The following TCF4 variants were observed in gnomAD, a reference collection of about 807,000 sequenced individuals.
TCF4 encodes the protein SL3-3 enhancer factor 2.
TCF4 carries 3 observed loss-of-function variants against 82.1 expected under a neutral mutation model. The observed-to-expected ratio is 0.04, with a 90% CI of 0.02 to 0.09. TCF4 has a LOEUF of 0.09. Ranked by LOEUF, TCF4 falls within the 10% of genes least tolerant of loss-of-function variation. The probability of loss-of-function intolerance (pLI) is 1.00; values close to 1 mark genes in which losing one functional copy is unlikely to be tolerated. For synonymous variants in TCF4, 276 were observed against 309.6 expected (o/e 0.89, Z 1.14); for missense variants, 518 against 852.7 (o/e 0.61, Z 4.89).
Position 55,275,679 on chromosome 18 carries a change from G to A in TCF4, c.729C>T (p.Gly243=). The A allele has an allele frequency of 2.5e-6, 4 of 1,613,904 alleles. No homozygotes were observed. Among genetic ancestry groups the A allele is most frequent in the Non-Finnish European group, 3.4e-6 (4 of 1,179,824 alleles). The change falls in exon 10 of 20, where the codon GGC becomes GGT. Residue 243 remains glycine, a synonymous_variant. Coordinates refer to ENST00000354452, the MANE Select transcript of TCF4 (RefSeq NM_001083962.2). ...TGGACTGTGGAATATGAGAAGAGTT[G>A]CCCAACATTCCTGCATAGCCAGGCT... ...MNQPGYAGML[G]NSSHIPQSSS...
chr18:55,262,709 G>A lies in TCF4; in HGVS notation c.923-1176C>T, dbSNP rs540342352. On this transcript the variant is annotated intron_variant, in intron 11 of 19. Coordinates refer to ENST00000354452, the MANE Select transcript of TCF4 (RefSeq NM_001083962.2). ...GGATCTTCAGTGGTCCAATTCTATGGCTTTTCCAGGTCATAATTTAATTCT... is the reference window on the plus strand; with the variant it reads ...GGATCTTCAGTGGTCCAATTCTATGACTTTTCCAGGTCATAATTTAATTCT... Among the ~76,000 whole-genome samples the A allele has an allele frequency of 1.2e-4, 18 of 152,198 alleles. No homozygotes were observed. In the South Asian group the frequency reaches 3.1e-3, roughly 26 times the overall value.
At chr18:55,596,843 T>C (rs1038381249) in intron 2 of TCF4, among the ~76,000 whole-genome samples, 8 of 152,142 alleles carry the variant, frequency 5.3e-5, no homozygotes, top group Non-Finnish European at 8.8e-5. Flanking sequence ...AAAAAAAGTT[T>C]ATAGCCACTG....
At chr18:55,333,460 C>A (rs540906008) in intron 8 of TCF4, among the ~76,000 whole-genome samples, 224 of 150,566 alleles carry the variant, frequency 1.5e-3, no homozygotes, top group African/African-American at 4.1e-3. Context: ...AAAAAAAAAA[C>A]AAAACAAAAC....
chr18:55,519,441 G>A (rs2060887), intron 3 of TCF4, among the ~76,000 whole-genome samples: 15,212 of 92,898 alleles, frequency 0.16, 1,047 homozygotes, highest in East Asian at 0.49. Context: ...CTCAAAAAAA[G>A]AAAAAAAAAA....
chr18:55,327,098 T>C (rs1457009632), intron 8 of TCF4, among the ~76,000 whole-genome samples: 1 of 152,156 alleles, frequency 6.6e-6, no homozygotes, highest in Non-Finnish European at 1.5e-5. Context: ...TATTCCCATA[T>C]TTCTTTGTAT....
intron 8 of TCF4, among the ~76,000 whole-genome samples, chr18:55,335,766 G>T (rs1179547137): frequency 6.6e-6 from 1 of 150,998 alleles, no homozygotes; most frequent in African/African-American, 2.4e-5. Context: ...ATGACACTTA[G>T]ATTAATAAAA....
At chr18:55,395,140 T>C (rs2093413654) in intron 6 of TCF4, among the ~76,000 whole-genome samples, 1 of 152,212 alleles carries the variant, frequency 6.6e-6, no homozygotes, top group African/African-American at 2.4e-5. Context: ...ATTGAAACAC[T>C]ATCCTGATGT....
chr18:55,333,118 A>T (rs2077918129), intron 8 of TCF4, among the ~76,000 whole-genome samples: 1 of 152,224 alleles, frequency 6.6e-6, no homozygotes. Context: ...ATAAGTTATC[A>T]TTCTGGATGT....
intron 3 of TCF4, among the ~76,000 whole-genome samples, chr18:55,573,444 T>C (rs2097496137): frequency 6.6e-6 from 1 of 152,210 alleles, no homozygotes; most frequent in Non-Finnish European, 1.5e-5. Context: ...CCTAAACTTC[T>C]GCAAAAACTT....
intron 8 of TCF4, among the ~76,000 whole-genome samples, chr18:55,343,127 G>A (rs376177223): frequency 2.0e-5 from 3 of 151,992 alleles, no homozygotes; most frequent in African/African-American, 7.2e-5. Context: ...TGTATGTGAC[G>A]AATGACACCA....
chr18:55,455,941 A>G (rs732779), intron 5 of TCF4, among the ~76,000 whole-genome samples: 47,097 of 152,134 alleles, frequency 0.31, 7,407 homozygotes, highest in Middle Eastern at 0.47. Flanking sequence ...TACAATGAAG[A>G]GTAAAACTCC....
intron 2 of TCF4, among the ~76,000 whole-genome samples, chr18:55,593,751 C>T (rs1334596180): frequency 6.6e-6 from 1 of 152,110 alleles, no homozygotes; most frequent in Non-Finnish European, 1.5e-5. Flanking sequence ...TAATGAAATT[C>T]ATCCAAAGAT....
chr18:55,380,160 G>A (rs1213908273), intron 6 of TCF4, among the ~76,000 whole-genome samples: 1 of 152,086 alleles, frequency 6.6e-6, no homozygotes, highest in Admixed American at 6.6e-5. Context: ...TGGATTACAG[G>A]TGTGAGCCAC....
exon 1 of TCF4, chr18:55,635,898 G>C: frequency 1.9e-6 from 3 of 1,570,464 alleles, no homozygotes; most frequent in Non-Finnish European, 2.6e-6. Context: ...TAGAAAACAT[G>C]GTGTTGTTCC....
At chr18:55,375,630 A>C (rs2090540253) in intron 6 of TCF4, among the ~76,000 whole-genome samples, 1 of 152,184 alleles carries the variant, frequency 6.6e-6, no homozygotes, top group Admixed American at 6.5e-5. Flanking sequence ...AAAAAATCTT[A>C]AACAACTAAA....
At chr18:55,347,420 C>T (rs1168907986) in intron 8 of TCF4, among the ~76,000 whole-genome samples, 1 of 152,160 alleles carries the variant, frequency 6.6e-6, no homozygotes, top group Admixed American at 6.5e-5. Flanking sequence ...TGTGCTTGTC[C>T]TGTAGACCCT....
intron 8 of TCF4, among the ~76,000 whole-genome samples, chr18:55,337,469 G>A (rs2078899200): frequency 6.6e-6 from 1 of 152,180 alleles, no homozygotes; most frequent in African/African-American, 2.4e-5. Flanking sequence ...AGAGAAATGG[G>A]AGGAAAATCT....
At chr18:55,301,264 T>G (rs542946708) in intron 8 of TCF4, among the ~76,000 whole-genome samples, 1 of 152,180 alleles carries the variant, frequency 6.6e-6, no homozygotes, top group African/African-American at 2.4e-5. Context: ...CAATTGCTGG[T>G]TGAATGTAAT....
intron 6 of TCF4, 176 bp from the exon 7 acceptor site, chr18:55,351,179 G>T: frequency 1.4e-6 from 1 of 715,256 alleles, no homozygotes; most frequent in Non-Finnish European, 2.2e-6. Context: ...CTATCACAAA[G>T]TTTGTGAATT....
Sources: allele counts gnomAD v4.1 joint callset (sites outside exome capture counted in the v4.1 genomes callset), GRCh38; gene constraint gnomAD v4.1.1; transcripts MANE v1.5; gene names NCBI Gene and HGNC (gene_info 2026-07-23, HGNC 2026-07-21).